CNTNAP4: variants seen among roughly 807,000 people sequenced by gnomAD.
The protein encoded by CNTNAP4 is contactin-associated protein-like 4.
In CNTNAP4, 98 loss-of-function variants were observed where a neutral mutation model predicts 148.4. The observed-to-expected ratio is 0.66, with a 90% CI of 0.56 to 0.78. The LOEUF is 0.78. Ranked by LOEUF, CNTNAP4 falls within the 30% of genes least tolerant of loss-of-function variation. CNTNAP4 has a pLI of 0.00. For synonymous variants in CNTNAP4, 730 were observed against 565.1 expected (o/e 1.29, Z -4.14); for missense variants, 1,935 against 1,565.6 (o/e 1.24, Z -3.98).
rs552075319 is a variant in CNTNAP4, at chr16:76,417,673, T to C, written c.391-9779T>C. Among the ~76,000 whole-genome samples, 4 of 151,798 alleles carry C rather than the reference T, an allele frequency of 2.6e-5. No individual in the cohort carries two copies. The South Asian group carries it at 6.2e-4, about 24-fold the overall frequency. Reference sequence around the variant, plus strand: ...TAAGAAAAATAAATGATCTTACTTCTTTTATTTCTTCTTTAATGATCTTCC... The same window carrying C: ...TAAGAAAAATAAATGATCTTACTTCCTTTATTTCTTCTTTAATGATCTTCC... On this transcript the variant is annotated intron_variant, in intron 3 of 23. Coordinates refer to ENST00000611870, the MANE Select transcript of CNTNAP4 (RefSeq NM_033401.5).
At chr16:76,294,576 T>TA (rs1300992610) in intron 1 of CNTNAP4, among the ~76,000 whole-genome samples, 12 of 152,338 alleles carry the variant, frequency 7.9e-5, no homozygotes, top group African/African-American at 2.6e-4. Context: ...CTAAATATGT[T>TA]AAAAAATTTC....
At chr16:76,435,302 C>A (rs1414611338) in intron 4 of CNTNAP4, among the ~76,000 whole-genome samples, 1 of 152,110 alleles carries the variant, frequency 6.6e-6, no homozygotes, top group East Asian at 1.9e-4. Context: ...GGCTTCCTAT[C>A]AGTTTTACTT....
intron 9 of CNTNAP4, 108 bp downstream of exon 9, chr16:76,462,213 A>T: frequency 1.0e-6 from 1 of 973,176 alleles, no homozygotes; most frequent in Non-Finnish European, 1.5e-6. Context: ...CTAAGGAATA[A>T]TTTTTCACTG....
chr16:76,313,661 G>A (rs766352323), intron 1 of CNTNAP4, among the ~76,000 whole-genome samples: 1 of 152,174 alleles, frequency 6.6e-6, no homozygotes, highest in Admixed American at 6.5e-5. Flanking sequence ...ATAAGAAAAA[G>A]TAGACTTTGA....
chr16:76,539,597 G>A (rs2084360551), intron 19 of CNTNAP4, 122 bp from the exon 20 acceptor site: 1 of 776,390 alleles, frequency 1.3e-6, no homozygotes, highest in East Asian at 2.9e-5. Flanking sequence ...ATTATAAAAA[G>A]GTATCTTCCA....
Position 76,464,957 on chromosome 16 carries a change from C to T in CNTNAP4, c.1484-2395C>T, listed in dbSNP as rs930721715. 1.4e-4 allele frequency among the ~76,000 whole-genome samples: 22 copies of T among 152,240 alleles called. 1 individual carries two copies. The highest frequency in any genetic ancestry group is 5.3e-4 in the African/African-American group (22 of 41,540). On this transcript the variant is annotated intron_variant, in intron 9 of 23. Transcript: ENST00000611870. ...GCTGGGTGTCTAATTTCTGTACATT[C>T]CCCTATGGAATCTTTTGCAATGCCT...
chr16:76,281,369 A>C (rs569224584), intron 1 of CNTNAP4, among the ~76,000 whole-genome samples: 23 of 152,112 alleles, frequency 1.5e-4, no homozygotes, highest in Non-Finnish European at 2.9e-4. Context: ...CACTTTTCTA[A>C]TAGCAATGGT....
chr16:76,360,615 C>G (rs933356231), intron 3 of CNTNAP4, among the ~76,000 whole-genome samples: 2 of 152,172 alleles, frequency 1.3e-5, no homozygotes, highest in Admixed American at 1.3e-4. Flanking sequence ...GCAGTACTTG[C>G]TTAGTACTTG....
At chr16:76,290,489 A>G (rs1959069349) in intron 1 of CNTNAP4, among the ~76,000 whole-genome samples, 1 of 152,194 alleles carries the variant, frequency 6.6e-6, no homozygotes, top group African/African-American at 2.4e-5. Flanking sequence ...GCACTCGCTC[A>G]TGTAGATAAC....
At chr16:76,282,186 T>TA (rs1046171987) in intron 1 of CNTNAP4, among the ~76,000 whole-genome samples, 28 of 152,076 alleles carry the variant, frequency 1.8e-4, no homozygotes, top group African/African-American at 6.7e-4. Context: ...CCAGGAACTG[T>TA]AACAGAGGAT....
intron 12 of CNTNAP4, among the ~76,000 whole-genome samples, chr16:76,486,286 ATAAAAGTT>A (rs57995056): frequency 0.053 from 8,108 of 152,262 alleles, 499 homozygotes; most frequent in African/African-American, 0.15. Context: ...AGATATGAAA[ATAAAAGTT>A]TAAAAGTTTT....
At chr16:76,301,567 C>T (rs1470887449) in intron 1 of CNTNAP4, among the ~76,000 whole-genome samples, 1 of 151,958 alleles carries the variant, frequency 6.6e-6, no homozygotes, top group African/African-American at 2.4e-5. Context: ...CATGAGTTAC[C>T]AGTACTTGGT....
intron 1 of CNTNAP4, among the ~76,000 whole-genome samples, chr16:76,311,275 A>T (rs1384521714): frequency 1.3e-5 from 2 of 152,164 alleles, no homozygotes; most frequent in Admixed American, 1.3e-4. Flanking sequence ...TTAAGATGCA[A>T]GCTATAGTGA....
At chr16:76,280,859 T>A (rs949488848) in intron 1 of CNTNAP4, among the ~76,000 whole-genome samples, 3 of 152,126 alleles carry the variant, frequency 2.0e-5, no homozygotes, top group African/African-American at 7.2e-5. Flanking sequence ...TGGTTGAAGA[T>A]GGGGTCAACT....
At chr16:76,522,696 CT>C (rs760832547) in intron 17 of CNTNAP4, among the ~76,000 whole-genome samples, 1,009 of 26,166 alleles carry the variant, frequency 0.039, 94 homozygotes, top group Admixed American at 0.054. Flanking sequence ...CCTTTCTTTT[CT>C]TTTCTTTTCT....
rs1458360709 is a variant in CNTNAP4, at chr16:76,509,730, A to G, written c.2365+11036A>G. ...CTTCCCAGTTTTTGCTAGTTATGCT[A>G]TTATTTGTATATTGTTACTTTTAAA... On this transcript the variant is annotated intron_variant, in intron 15 of 23. Transcript: ENST00000611870. Among the ~76,000 whole-genome samples, 3 of 96,646 alleles carry G rather than the reference A, an allele frequency of 3.1e-5. 1 individual carries two copies. The highest frequency in any genetic ancestry group is 7.7e-5 in the African/African-American group (3 of 38,716). The allele number at this position is 96,646 out of a possible 152,430, so 63.4% of individuals were successfully genotyped here. A position where few individuals can be genotyped will look rare whatever the true frequency, so the allele number is the denominator to read the frequency against.
At chr16:76,540,676 T>C (rs1161267241) in intron 20 of CNTNAP4, 27 bp from the exon 21 acceptor site, 4 of 1,500,112 alleles carry the variant, frequency 2.7e-6, no homozygotes, top group Non-Finnish European at 3.6e-6. Context: ...CATTTGGATG[T>C]TTTTATCTTG....
intron 1 of CNTNAP4, among the ~76,000 whole-genome samples, chr16:76,310,587 TC>T (rs1433779201): frequency 1.3e-5 from 2 of 152,164 alleles, no homozygotes; most frequent in Non-Finnish European, 2.9e-5. Flanking sequence ...GTCAAAGGTC[TC>T]ACCCTGCCTC....
chr16:76,537,421 T>C (rs2084256476), intron 18 of CNTNAP4, among the ~76,000 whole-genome samples: 1 of 148,326 alleles, frequency 6.7e-6, no homozygotes, highest in South Asian at 2.2e-4. Flanking sequence ...GCCATCTTCT[T>C]CATTTTCATA....
Sources: allele counts gnomAD v4.1 joint callset (sites outside exome capture counted in the v4.1 genomes callset), GRCh38; gene constraint gnomAD v4.1.1; transcripts MANE v1.5; gene names NCBI Gene and HGNC (gene_info 2026-07-23, HGNC 2026-07-21).